RSRC1: variants seen among roughly 807,000 people sequenced by gnomAD.
The protein encoded by RSRC1 is serine/Arginine-related protein 53.
In RSRC1, 39 loss-of-function variants were observed where a neutral mutation model predicts 49.1. The ratio of observed to expected loss-of-function variants is 0.79; its 90% CI spans 0.61 to 1.04. RSRC1 has a LOEUF of 1.04. Among genes scored for constraint, RSRC1 ranks in the 50% least tolerant of loss-of-function variants. RSRC1 has a pLI of 0.00. For synonymous variants in RSRC1, 143 were observed against 130.8 expected (o/e 1.09, Z -0.63); for missense variants, 388 against 402.4 (o/e 0.96, Z 0.31).
rs187941053 is a variant in RSRC1 at position 158,448,969 on chromosome 3, A to G, written c.584-11966A>G. ...CATTCAATATGCTCCAACTATTTAT[A>G]TTCTCACATTAGTGCTTTAAAAAGT... On this transcript the variant is annotated intron_variant, in intron 6 of 9. Coordinates refer to ENST00000611884, the MANE Select transcript of RSRC1 (RefSeq NM_001271838.2). Among the ~76,000 whole-genome samples the G allele has an allele frequency of 2.2e-4, 34 of 152,048 alleles. No homozygotes were observed. The East Asian group carries it at 6.4e-3, about 29-fold the overall frequency.
intron 6 of RSRC1, among the ~76,000 whole-genome samples, chr3:158,418,829 A>T (rs74919558): frequency 0.016 from 2,417 of 152,024 alleles, 84 homozygotes; most frequent in African/African-American, 0.055. Context: ...TGTCAAGGTC[A>T]AGTTTGGGAA....
intron 6 of RSRC1, among the ~76,000 whole-genome samples, chr3:158,430,729 T>C (rs1735734174): frequency 6.6e-6 from 1 of 151,944 alleles, no homozygotes; most frequent in South Asian, 2.1e-4. Context: ...TATGAGCATA[T>C]TGAGATCATG....
chr3:158,111,980 G>A (rs1256475299), intron 1 of RSRC1, among the ~76,000 whole-genome samples: 1 of 152,154 alleles, frequency 6.6e-6, no homozygotes, highest in African/African-American at 2.4e-5. Context: ...AGATATTTCT[G>A]TAAATTGATC....
At chr3:158,294,414 G>A (rs1727115706) in intron 4 of RSRC1, among the ~76,000 whole-genome samples, 1 of 151,648 alleles carries the variant, frequency 6.6e-6, no homozygotes, top group Admixed American at 6.6e-5. Context: ...TCATCTCTTT[G>A]AAGATGTTAT....
chr3:158,499,823 G>A lies in RSRC1; in HGVS notation c.653-37269G>A, dbSNP rs1283493501. On this transcript the variant is annotated intron_variant, in intron 7 of 9. Transcript: ENST00000611884. ...TATCGTCAGCAAACGGTGACAGTTT[G>A]ACTCCCTCTTTACCTATTTGGATGC... Among the ~76,000 whole-genome samples, 4 of 152,132 alleles carry A rather than the reference G, an allele frequency of 2.6e-5. 1 individual carries two copies. The highest frequency in any genetic ancestry group is 9.7e-5 in the African/African-American group (4 of 41,414).
At chr3:158,217,767 G>GGA (rs1722031009) in intron 4 of RSRC1, among the ~76,000 whole-genome samples, 1 of 143,716 alleles carries the variant, frequency 7.0e-6, no homozygotes, top group African/African-American at 2.6e-5. Flanking sequence ...TGTGTGTGTG[G>GGA]GGGGGGAATT....
chr3:158,356,104 A>G (rs1051940666), intron 6 of RSRC1, among the ~76,000 whole-genome samples: 1 of 151,982 alleles, frequency 6.6e-6, no homozygotes, highest in African/African-American at 2.4e-5. Context: ...TTTTTGGACC[A>G]CAGTTGACCG....
At chr3:158,513,394 T>C (rs1487119193) in intron 7 of RSRC1, among the ~76,000 whole-genome samples, 2 of 152,354 alleles carry the variant, frequency 1.3e-5, no homozygotes, top group African/African-American at 4.8e-5. Context: ...TTGCCTTTGG[T>C]TCTGTTTATA....
chr3:158,248,244 G>T (rs1724011290), intron 4 of RSRC1, among the ~76,000 whole-genome samples: 1 of 152,132 alleles, frequency 6.6e-6, no homozygotes, highest in African/African-American at 2.4e-5. Context: ...TTTTCTAAAG[G>T]CCTAGTACCA....
chr3:158,144,303 G>A (rs1339552756), intron 3 of RSRC1, among the ~76,000 whole-genome samples: 2 of 150,338 alleles, frequency 1.3e-5, no homozygotes, highest in African/African-American at 4.9e-5. Context: ...CCCCTCAACA[G>A]TCCCCGGTGT....
At chr3:158,415,515 T>C (rs1734695753) in intron 6 of RSRC1, among the ~76,000 whole-genome samples, 1 of 152,016 alleles carries the variant, frequency 6.6e-6, no homozygotes, top group Non-Finnish European at 1.5e-5. Flanking sequence ...TCTCGGTGCT[T>C]CATTTTCCTC....
At chr3:158,223,109 G>A (rs1722316511) in intron 4 of RSRC1, among the ~76,000 whole-genome samples, 1 of 151,534 alleles carries the variant, frequency 6.6e-6, no homozygotes, top group South Asian at 2.1e-4. Context: ...TTATCTTGTA[G>A]GTTTTCTGAA....
At chr3:158,437,191 G>A (rs548403717) in intron 6 of RSRC1, among the ~76,000 whole-genome samples, 1 of 151,324 alleles carries the variant, frequency 6.6e-6, no homozygotes, top group South Asian at 2.1e-4. Context: ...TGTGTTATAT[G>A]TAACCAGAAA....
At chr3:158,412,833 C>A (rs1007458939) in intron 6 of RSRC1, among the ~76,000 whole-genome samples, 1 of 151,928 alleles carries the variant, frequency 6.6e-6, no homozygotes, top group Non-Finnish European at 1.5e-5. Context: ...TATTTCTTGT[C>A]TTCTGCTAGC....
chr3:158,447,950 A>G (rs2108384739), intron 6 of RSRC1, among the ~76,000 whole-genome samples: 1 of 152,042 alleles, frequency 6.6e-6, no homozygotes, highest in Non-Finnish European at 1.5e-5. Flanking sequence ...TTTAAAAAAT[A>G]TATATACATT....
At chr3:158,520,435 ACTTGG>A (rs958157379) in intron 7 of RSRC1, among the ~76,000 whole-genome samples, 1 of 152,168 alleles carries the variant, frequency 6.6e-6, no homozygotes, top group Non-Finnish European at 1.5e-5. Context: ...TTAAGGTAGT[ACTTGG>A]CTTTTTGAAT....
chr3:158,415,509 G>A (rs758596594), intron 6 of RSRC1, among the ~76,000 whole-genome samples: 27 of 151,424 alleles, frequency 1.8e-4, no homozygotes, highest in Non-Finnish European at 3.7e-4. Context: ...TCAAATTCTC[G>A]GTGCTTCATT....
chr3:158,301,559 C>CT (rs1727550742), intron 5 of RSRC1, among the ~76,000 whole-genome samples: 1 of 152,126 alleles, frequency 6.6e-6, no homozygotes, highest in Admixed American at 6.5e-5. Context: ...AGTGAGAACT[C>CT]TGACTCCTAA....
chr3:158,177,953 A>T (rs9873074), intron 3 of RSRC1, among the ~76,000 whole-genome samples: 1,796 of 152,262 alleles, frequency 0.012, 31 homozygotes, highest in African/African-American at 0.042. Context: ...GAATTGACAC[A>T]AAATTTTCTA....
Sources: gnomAD v4.1 joint callset for allele counts (sites outside exome capture counted in the v4.1 genomes callset) on GRCh38, gnomAD v4.1.1 for gene constraint, MANE v1.5 for transcripts, NCBI Gene and HGNC (gene_info 2026-07-23, HGNC 2026-07-21) for gene names.